RNLS: variants seen among roughly 807,000 people sequenced by gnomAD.
RNLS encodes renalase.
A neutral mutation model predicts 39.8 loss-of-function variants in RNLS; 39 were observed. That is an observed-to-expected ratio of 0.98 (90% CI 0.76 to 1.28). RNLS has a LOEUF of 1.28. RNLS is among the 50% of genes most tolerant of loss of function. The pLI is 0.00. For synonymous variants in RNLS, 147 were observed against 150.7 expected (o/e 0.98, Z 0.18); for missense variants, 410 against 413.3 (o/e 0.99, Z 0.07).
chr10:88,559,928 C>CT (rs569002300), intron 4 of RNLS, among the ~76,000 whole-genome samples: 1,526 of 150,968 alleles, frequency 0.01, 13 homozygotes, highest in Non-Finnish European at 0.018. Flanking sequence ...GTCAGAAAGA[C>CT]TTTTTTTTTC....
At chr10:88,172,050 A>G in the RNLS span, among the ~76,000 whole-genome samples, 3 of 152,202 alleles carry the variant, frequency 2.0e-5, no homozygotes, top group African/African-American at 7.2e-5. Flanking sequence ...AAGGCACACT[A>G]CATTTTCTTT....
At chr10:88,252,264 T>C in the RNLS span, among the ~76,000 whole-genome samples, 1 of 152,238 alleles carries the variant, frequency 6.6e-6, no homozygotes, top group South Asian at 2.1e-4. Context: ...ATGCATTTGA[T>C]AAACTATTTA....
At chr10:88,282,478 TACACACACACACACACACACAC>T (rs60829171), downstream of RNLS, among the ~76,000 whole-genome samples, 21 of 143,032 alleles carry the variant, frequency 1.5e-4, no homozygotes, top group South Asian at 4.7e-4. Flanking sequence ...AAAGTGAAAA[TACACACACACACACACACACAC>T]ACACACACAC....
chr10:88,235,842 T>G, the RNLS span, among the ~76,000 whole-genome samples: 10 of 152,040 alleles, frequency 6.6e-5, no homozygotes, highest in African/African-American at 1.7e-4. Context: ...GTTTTTTTGT[T>G]TTTTTTTGAG....
chr10:88,493,105 T>C (rs1844974917), intron 4 of RNLS, among the ~76,000 whole-genome samples: 1 of 152,202 alleles, frequency 6.6e-6, no homozygotes, highest in African/African-American at 2.4e-5. Context: ...CTATTTCTTA[T>C]TATCCTACCA....
chr10:88,377,903 T>TAA (rs1851147867), intron 4 of RNLS, among the ~76,000 whole-genome samples: 1 of 152,208 alleles, frequency 6.6e-6, no homozygotes, highest in Non-Finnish European at 1.5e-5. Flanking sequence ...ACACTTAGCT[T>TAA]AAAACACACA....
chr10:88,446,704 C>G (rs1842055554), intron 4 of RNLS, among the ~76,000 whole-genome samples: 1 of 151,934 alleles, frequency 6.6e-6, no homozygotes, highest in Admixed American at 6.6e-5. Context: ...GGCAGAGACA[C>G]AACAAAAGAA....
intron 4 of RNLS, among the ~76,000 whole-genome samples, chr10:88,467,069 T>C (rs1464520664): frequency 1.3e-5 from 2 of 152,030 alleles, no homozygotes; most frequent in African/African-American, 4.8e-5. Context: ...AGGGTACAAT[T>C]TTTTTCATCA....
chr10:88,382,104 A>C lies in RNLS; in HGVS notation c.527-19379T>G, dbSNP rs554954548. On this transcript the variant is annotated intron_variant, in intron 4 of 6. Coordinates refer to ENST00000331772, the MANE Select transcript of RNLS (RefSeq NM_001031709.3). ...ATTGCTTTGCAGTGCTGCTGGGTAC[A>C]CTACAAATCATACTGACATAGTTAT... Among the ~76,000 whole-genome samples, 7 of 152,216 alleles carry C rather than the reference A, an allele frequency of 4.6e-5. 1 individual carries two copies. The highest frequency in any genetic ancestry group is 1.7e-4 in the African/African-American group (7 of 41,558).
intron 4 of RNLS, among the ~76,000 whole-genome samples, chr10:88,502,350 G>A (rs1054467989): frequency 8.6e-5 from 13 of 150,454 alleles, no homozygotes; most frequent in Admixed American, 5.3e-4. Flanking sequence ...GGGGTGGGGA[G>A]GTGAGGAGGG....
intron 4 of RNLS, among the ~76,000 whole-genome samples, chr10:88,520,817 A>G (rs1000758980): frequency 1.8e-4 from 27 of 152,020 alleles, no homozygotes; most frequent in African/African-American, 6.3e-4. Flanking sequence ...GATCCTATGT[A>G]AATACTAGTT....
At chr10:88,501,021 G>C (rs1034804346) in intron 4 of RNLS, among the ~76,000 whole-genome samples, 4 of 136,676 alleles carry the variant, frequency 2.9e-5, no homozygotes, top group African/African-American at 5.6e-5. Context: ...ATATATCTCT[G>C]TGTGTGTGTG....
chr10:88,276,360 G>C (rs1371094347), intron 6 of RNLS, among the ~76,000 whole-genome samples: 1 of 152,024 alleles, frequency 6.6e-6, no homozygotes, highest in African/African-American at 2.4e-5. Flanking sequence ...CCTAGAAATA[G>C]GTTAAACATT....
At chr10:88,398,138 C>T (rs1271195474) in intron 4 of RNLS, among the ~76,000 whole-genome samples, 1 of 152,060 alleles carries the variant, frequency 6.6e-6, no homozygotes, top group Non-Finnish European at 1.5e-5. Flanking sequence ...GTTTGTTATA[C>T]TCATAGATCC....
At chr10:88,520,659 C>T (rs1459127287) in intron 4 of RNLS, among the ~76,000 whole-genome samples, 1 of 152,034 alleles carries the variant, frequency 6.6e-6, no homozygotes, top group African/African-American at 2.4e-5. Flanking sequence ...ATCCATATCT[C>T]TGAATAAATA....
chr10:88,416,220 T>C (rs1356138707), intron 4 of RNLS, among the ~76,000 whole-genome samples: 1 of 148,268 alleles, frequency 6.7e-6, no homozygotes, highest in Non-Finnish European at 1.5e-5. Context: ...TATATCTGAA[T>C]TATATATATA....
chr10:88,583,014 A>G, intron 1 of RNLS, 59 bp downstream of exon 1: 1 of 1,571,226 alleles, frequency 6.4e-7, no homozygotes, highest in Non-Finnish European at 8.7e-7. Flanking sequence ...GGCCCACACC[A>G]CCTCAGCAGC....
chr10:88,197,508 A>G, the RNLS span, among the ~76,000 whole-genome samples: 1 of 152,176 alleles, frequency 6.6e-6, no homozygotes, highest in East Asian at 1.9e-4. Context: ...GTGCTCTGCA[A>G]TTCTAACAAC....
At chr10:88,572,844 A>G (rs1017062832) in intron 4 of RNLS, 59 bp downstream of exon 4, 1 of 1,570,114 alleles carries the variant, frequency 6.4e-7, no homozygotes, top group Non-Finnish European at 8.7e-7. Flanking sequence ...AACCAAATTC[A>G]TGCTTTGTCA....
Sources: allele counts gnomAD v4.1 joint callset (sites outside exome capture counted in the v4.1 genomes callset), GRCh38; gene constraint gnomAD v4.1.1; transcripts MANE v1.5; gene names NCBI Gene and HGNC (gene_info 2026-07-23, HGNC 2026-07-21).